The following FSCN2 variants were observed in gnomAD, a reference collection of about 807,000 sequenced individuals.
FSCN2 encodes the protein fascin actin-bundling protein 2, retinal.
In FSCN2, 46 loss-of-function variants were observed where a neutral mutation model predicts 37.8. The ratio of observed to expected loss-of-function variants is 1.22; its 90% CI spans 0.96 to 1.56. The LOEUF (loss-of-function observed/expected upper bound fraction) is 1.56, where lower values mean the gene tolerates loss of function less well. Among genes scored for constraint, FSCN2 ranks in the 40% most tolerant of loss-of-function variants. The pLI is 0.00. For synonymous variants in FSCN2, 351 were observed against 309.4 expected (o/e 1.13, Z -1.41); for missense variants, 844 against 730.4 (o/e 1.16, Z -1.79).
intron 1 of FSCN2, among the ~76,000 whole-genome samples, chr17:81,529,840 C>T (rs782366682): frequency 1.8e-4 from 27 of 152,360 alleles, no homozygotes; most frequent in South Asian, 1.4e-3. Flanking sequence ...GACAGAGTCT[C>T]GCTCTGTCAC....
the FSCN2 span, among the ~76,000 whole-genome samples, chr17:81,517,415 G>C: frequency 5.3e-5 from 8 of 152,234 alleles, no homozygotes; most frequent in Admixed American, 5.2e-4. Context: ...CTCTGAGGCT[G>C]CTTGCCCTCC....
At chr17:81,515,969 C>T in the FSCN2 span, among the ~76,000 whole-genome samples, 2 of 152,278 alleles carry the variant, frequency 1.3e-5, no homozygotes, top group African/African-American at 4.8e-5. Flanking sequence ...CTTAGCCTCC[C>T]GAGTAGCTGA....
chr17:81,532,369 TG>T (rs1397206330), intron 1 of FSCN2, among the ~76,000 whole-genome samples: 1 of 147,672 alleles, frequency 6.8e-6, no homozygotes, highest in Non-Finnish European at 1.5e-5. Context: ...GTGATGGTGA[TG>T]GTGATGATAG....
chr17:81,531,324 G>GTGA (rs2032564480), intron 1 of FSCN2, among the ~76,000 whole-genome samples: 1 of 30,622 alleles, frequency 3.3e-5, no homozygotes, highest in African/African-American at 9.4e-5. Context: ...GGTGATGATG[G>GTGA]TGGTGGTGGT....
Position 81,529,172 on chromosome 17 carries a change from T to G in FSCN2, c.641T>G (p.Phe214Cys), listed in dbSNP as rs565892151. The change falls in exon 1 of 5, where the codon TTC becomes TGC. Residue 214 changes from phenylalanine to cysteine, a missense_variant. Transcript: ENST00000417245. ...CCCCGTGCCTGCTACACGCTGGAGT[T>G]CAAGGCGGGCAAGCTGGCCTTCAAG... ...PEPRACYTLEFKAGKLAFKDC... is the reference protein window; with the variant it reads ...PEPRACYTLECKAGKLAFKDC... The G allele has an allele frequency of 6.3e-7, 1 of 1,591,458 alleles. No individual in the cohort carries two copies. Among genetic ancestry groups the G allele is most frequent in the East Asian group, 2.3e-5 (1 of 43,734 alleles).
the FSCN2 span, among the ~76,000 whole-genome samples, chr17:81,517,942 G>T: frequency 6.6e-6 from 1 of 152,150 alleles, no homozygotes; most frequent in Non-Finnish European, 1.5e-5. Context: ...ACCGTCCCAG[G>T]CCACAGCCTG....
chr17:81,524,919 A>ACACACACCCC (rs10677990), upstream of FSCN2, among the ~76,000 whole-genome samples: 122 of 142,558 alleles, frequency 8.6e-4, no homozygotes, highest in Non-Finnish European at 1.1e-3. Context: ...ACACACACAC[A>ACACACACCCC]CCACACTCAC....
intron 4 of FSCN2, 39 bp downstream of exon 4, chr17:81,536,828 G>A: frequency 6.4e-7 from 1 of 1,552,940 alleles, no homozygotes; most frequent in Non-Finnish European, 8.7e-7. Flanking sequence ...GAGCGGGGGT[G>A]GCAGCGGGCA....
chr17:81,536,620 A>C lies in FSCN2; in HGVS notation c.1106-2A>C. ...CAGCGCAGCAGACGCTCTCCCCGCC[A>C]GGCAAGGACGAAGAGTTCACCCTCA... is the stretch of plus-strand genomic sequence containing the variant. On this transcript the variant is annotated splice_acceptor_variant, in intron 3 of 4. Coordinates refer to ENST00000417245, the MANE Select transcript of FSCN2 (RefSeq NM_012418.4). LOFTEE classifies it high-confidence loss of function. 1.2e-6 allele frequency: 2 copies of C among 1,608,830 alleles called. No individual in the cohort carries two copies. The highest frequency in any genetic ancestry group is 1.7e-6 in the Non-Finnish European group (2 of 1,179,650).
chr17:81,518,836 G>A, the FSCN2 span, among the ~76,000 whole-genome samples: 3 of 152,248 alleles, frequency 2.0e-5, no homozygotes, highest in Admixed American at 1.3e-4. Flanking sequence ...AAAAGGGGAA[G>A]CGGGTCAGGG....
At position 81,530,188 on chromosome 17, in the gene FSCN2, C is replaced by T. The variant is rs183232114; in HGVS notation, c.826+831C>T. On this transcript the variant is annotated intron_variant, in intron 1 of 4. Coordinates refer to ENST00000417245, the MANE Select transcript of FSCN2 (RefSeq NM_012418.4). ...GCTGGGGATCGGGCGGGGATAGCAC[C>T]ACCACGTGCCTGACCAGTGGAGCCT... is the stretch of plus-strand genomic sequence containing the variant. 2.5e-3 allele frequency: 692 copies of T among 277,706 alleles called. 8 individuals are homozygous for T. In the Middle Eastern group the frequency reaches 0.044, roughly 18 times the overall value. The allele number at this position is 277,706 out of a possible 1,614,324, so 17.2% of individuals were successfully genotyped here.
upstream of FSCN2, chr17:81,527,341 A>C (rs1208251141): frequency 2.0e-5 from 3 of 152,160 alleles, no homozygotes; most frequent in African/African-American, 4.8e-5. Context: ...GTTATGAGGA[A>C]GAGGACACCG....
chr17:81,529,122 C>T lies in FSCN2; in HGVS notation c.591C>T (p.Asp197=), dbSNP rs782369175. ...KSCDSRYLRS[D]GRLVWEPEPR... ...GTGACAGCCGCTACCTGCGCAGCGACGGCCGTCTGGTCTGGGAGCCTGAGC... is the reference window on the plus strand; with the variant it reads ...GTGACAGCCGCTACCTGCGCAGCGATGGCCGTCTGGTCTGGGAGCCTGAGC... The change falls in exon 1 of 5, where the codon GAC becomes GAT. Residue 197 remains aspartate (D), a synonymous_variant. Transcript: ENST00000417245. 1.6e-5 allele frequency: 25 copies of T among 1,582,666 alleles called. No homozygotes were observed. The highest frequency in any genetic ancestry group is 1.2e-4 in the East Asian group (5 of 43,060).
chr17:81,536,195 C>T lies in FSCN2; in HGVS notation c.1033C>T (p.Leu345Phe), dbSNP rs753920150. ...GGAGTGGCGTGGCCGGCGGGTAGCACTCAAAGCCAGCAACGGGCGCTACGT... is the reference window on the plus strand; with the variant it reads ...GGAGTGGCGTGGCCGGCGGGTAGCATTCAAAGCCAGCAACGGGCGCTACGT... ...EMEWRGRRVA[L>F]KASNGRYVCM... The change falls in exon 3 of 5, where the codon CTC (leucine) becomes TTC (phenylalanine). Residue 345 changes from leucine (L) to phenylalanine (F), a missense_variant. Transcript: ENST00000417245. 1.4e-5 allele frequency: 23 copies of T among 1,600,932 alleles called. No homozygotes were observed. In the East Asian group the frequency reaches 5.0e-4, roughly 34 times the overall value.
At chr17:81,524,888 C>T (rs1318801407), upstream of FSCN2, among the ~76,000 whole-genome samples, 3 of 122,788 alleles carry the variant, frequency 2.4e-5, no homozygotes, top group Non-Finnish European at 5.1e-5. Context: ...CATCCATGAG[C>T]ACCTTCACAC....
intron 1 of FSCN2, among the ~76,000 whole-genome samples, chr17:81,531,234 ATGG>A (rs782602326): frequency 1.0e-4 from 11 of 109,784 alleles, no homozygotes; most frequent in South Asian, 3.0e-4. Context: ...GATAATGGTG[ATGG>A]TGGTGATGAT....
At chr17:81,536,098 A>G (rs1446005360) in intron 2 of FSCN2, 48 bp from the exon 3 acceptor site, 4 of 1,586,546 alleles carry the variant, frequency 2.5e-6, no homozygotes, top group Non-Finnish European at 3.4e-6. Flanking sequence ...GAGACCCTGC[A>G]CCCCCATCTC....
the FSCN2 span, among the ~76,000 whole-genome samples, chr17:81,521,767 C>T: frequency 1.3e-5 from 2 of 152,198 alleles, no homozygotes; most frequent in African/African-American, 2.4e-5. Context: ...AAGCAGGTTT[C>T]AGGCATGATG....
chr17:81,524,829 T>C (rs1400489423), upstream of FSCN2, among the ~76,000 whole-genome samples: 1 of 151,130 alleles, frequency 6.6e-6, no homozygotes. Flanking sequence ...AGTCCCAGGG[T>C]CCAGAGTTGG....
Sources: allele counts gnomAD v4.1 joint callset (sites outside exome capture counted in the v4.1 genomes callset), GRCh38; gene constraint gnomAD v4.1.1; transcripts MANE v1.5; gene names NCBI Gene and HGNC (gene_info 2026-07-23, HGNC 2026-07-21).